Variants in LMBRD2 observed in about 807,000 individuals in gnomAD.
LMBRD2 encodes G protein-coupled receptor-associated protein LMBRD2.
In LMBRD2, 55 loss-of-function variants were observed where a neutral mutation model predicts 94.4. That is an observed-to-expected ratio of 0.58 (90% CI 0.47 to 0.73). The LOEUF (loss-of-function observed/expected upper bound fraction) is 0.73. Ranked by LOEUF, LMBRD2 falls within the 30% of genes least tolerant of loss-of-function variation. The pLI is 0.00. For missense variants in LMBRD2, 640 were observed against 831.9 expected, an observed-to-expected ratio of 0.77 and a Z score of 2.84; for synonymous variants, 246 against 272.4, an observed-to-expected ratio of 0.90 and a Z score of 0.95.
chr5:36,138,973 G>A (rs180722377), intron 4 of LMBRD2, among the ~76,000 whole-genome samples: 362 of 152,300 alleles, frequency 2.4e-3, no homozygotes, highest in African/African-American at 8.1e-3. Flanking sequence ...GGGGACTGGC[G>A]GGGACTGTGC....
Position 36,103,075 on chromosome 5 carries a change from C to T in LMBRD2, c.*971G>A, listed in dbSNP as rs1184948281. 6.6e-6 allele frequency: 1 copy of T among 152,076 alleles called. No homozygotes were observed. Among genetic ancestry groups the T allele is most frequent in the African/African-American group, 2.4e-5 (1 of 41,398 alleles). 9.4% of individuals were successfully genotyped at this position (152,076 alleles called of 1,614,324 possible). On this transcript the variant is annotated 3_prime_UTR_variant, in exon 18 of 18. Coordinates refer to ENST00000296603, the MANE Select transcript of LMBRD2 (RefSeq NM_001007527.2). ...TTCCATTCTAATATAGTTTTGTTTT[C>T]TATAAACCACGATTTAAGTATCAGT... is the stretch of plus-strand genomic sequence containing the variant.
intron 7 of LMBRD2, among the ~76,000 whole-genome samples, 199 bp downstream of exon 7, chr5:36,123,992 G>A (rs1315929991): frequency 6.6e-6 from 1 of 151,706 alleles, no homozygotes; most frequent in Non-Finnish European, 1.5e-5. Context: ...TATTTCAATA[G>A]AAAATACTGC....
At chr5:36,150,130 A>G (rs1744654661) in intron 1 of LMBRD2, among the ~76,000 whole-genome samples, 1 of 152,196 alleles carries the variant, frequency 6.6e-6, no homozygotes, top group African/African-American at 2.4e-5. Context: ...AATTATTCCC[A>G]TATTAGGAAG....
rs77738282 is a variant in LMBRD2 at position 36,141,199 on chromosome 5, C to T, written c.276G>A (p.Gln92=). The part of the protein sequence containing the change: ...LYATANPVPS[Q]HPCFKPWSYI... ...AACTCCATGGCTTGAAACAAGGATG[C>T]TGGCTGTTGAATAAAAAGTTAAAGC... The change falls in exon 4 of 18, where the codon CAG becomes CAA. Residue 92 remains glutamine, a synonymous_variant. Coordinates refer to ENST00000296603, the MANE Select transcript of LMBRD2 (RefSeq NM_001007527.2). 5,881 of 1,592,872 alleles carry T rather than the reference C, an allele frequency of 3.7e-3. 193 individuals are homozygous for T. In the African/African-American group the frequency reaches 0.071, roughly 19 times the overall value.
intron 11 of LMBRD2, 27 bp from the exon 12 acceptor site, chr5:36,115,147 T>C (rs755473871): frequency 3.6e-6 from 5 of 1,404,278 alleles, no homozygotes; most frequent in Admixed American, 1.9e-5. Flanking sequence ...AAAATATGTA[T>C]ATAAAAAGTA....
chr5:36,122,359 A>AGC lies in LMBRD2; in HGVS notation c.1039_1040dup (p.Thr348LeufsTer52). On this transcript the variant is annotated frameshift_variant, in exon 9 of 18. Transcript: ENST00000296603. LOFTEE classifies it high-confidence loss of function. ...GAAAGGTGTGAACAAACTGATGAGT[A>AGC]GCACTAGTTTCATTTTTTGCTACAT... The AGC allele has an allele frequency of 6.2e-7, 1 of 1,612,582 alleles. No homozygotes were observed. The highest frequency in any genetic ancestry group is 8.5e-7 in the Non-Finnish European group (1 of 1,179,058).
chr5:36,130,136 T>C (rs528092987), intron 6 of LMBRD2, among the ~76,000 whole-genome samples: 1 of 152,188 alleles, frequency 6.6e-6, no homozygotes, highest in Admixed American at 6.5e-5. Flanking sequence ...TGTATACATA[T>C]GTAACAAACC....
intron 9 of LMBRD2, among the ~76,000 whole-genome samples, chr5:36,122,046 T>C (rs928092792): frequency 4.6e-5 from 7 of 152,188 alleles, no homozygotes; most frequent in African/African-American, 1.7e-4. Context: ...GATGTATACA[T>C]GTTTTTTAAT....
chr5:36,104,331 T>C (rs1743415285), intron 17 of LMBRD2, among the ~76,000 whole-genome samples: 1 of 151,658 alleles, frequency 6.6e-6, no homozygotes, highest in Admixed American at 6.6e-5. Flanking sequence ...CATGACAGAG[T>C]GAGAGATGTA....
At chr5:36,142,412 T>C (rs898715534) in intron 3 of LMBRD2, 90 bp downstream of exon 3, 15 of 669,860 alleles carry the variant, frequency 2.2e-5, no homozygotes, top group Non-Finnish European at 1.0e-5. Context: ...ATAACTTACA[T>C]AAATATAAAG....
chr5:36,107,476 T>A (rs968774310), intron 16 of LMBRD2, among the ~76,000 whole-genome samples: 1 of 152,222 alleles, frequency 6.6e-6, no homozygotes, highest in East Asian at 1.9e-4. Context: ...GAAATCATAG[T>A]TTTATGCCCA....
chr5:36,108,668 A>C (rs1581040996), intron 15 of LMBRD2, 29 bp from the exon 16 acceptor site: 2 of 1,083,958 alleles, frequency 1.8e-6, no homozygotes, highest in Non-Finnish European at 1.3e-6. Context: ...TAATCATATA[A>C]TAGAACAGAA....
intron 9 of LMBRD2, among the ~76,000 whole-genome samples, chr5:36,121,622 CTG>C (rs1225494948): frequency 6.6e-6 from 1 of 152,088 alleles, no homozygotes; most frequent in Non-Finnish European, 1.5e-5. Context: ...TATGTCAAGA[CTG>C]AAGAAGAGAC....
At chr5:36,120,902 T>G (rs954962851) in intron 9 of LMBRD2, among the ~76,000 whole-genome samples, 3 of 152,184 alleles carry the variant, frequency 2.0e-5, no homozygotes, top group Non-Finnish European at 4.4e-5. Flanking sequence ...TTTTCTAGTC[T>G]TTTCTGCTAG....
At chr5:36,123,977 C>T (rs190467656) in intron 7 of LMBRD2, among the ~76,000 whole-genome samples, 469 of 151,946 alleles carry the variant, frequency 3.1e-3, no homozygotes, top group Middle Eastern at 0.027. Context: ...CAACCTCTAT[C>T]TCCATATTTC....
At chr5:36,132,844 T>G (rs772586582) in intron 6 of LMBRD2, among the ~76,000 whole-genome samples, 6 of 151,932 alleles carry the variant, frequency 3.9e-5, no homozygotes, top group Admixed American at 2.6e-4. Context: ...ATGCTACTGA[T>G]TTTTGAATCA....
chr5:36,143,842 ATAATT>A (rs1021440459), intron 1 of LMBRD2, among the ~76,000 whole-genome samples: 3 of 151,932 alleles, frequency 2.0e-5, no homozygotes, highest in African/African-American at 7.2e-5. Flanking sequence ...TTCATCCTCT[ATAATT>A]TAAGATTTTC....
Position 36,105,181 on chromosome 5 carries a change from G to A in LMBRD2, c.1914C>T (p.Thr638=). 1 of 1,611,512 alleles carries A rather than the reference G, an allele frequency of 6.2e-7. No individual in the cohort carries two copies. The highest frequency in any genetic ancestry group is 8.5e-7 in the Non-Finnish European group (1 of 1,178,506). The part of the protein sequence containing the change: ...VNTNRSAFKY[T]RANNRTERDR... Reference sequence around the variant, plus strand: ...CCCTTTCAGTCCTGTTATTAGCCCTGGTATATTTGAATGCAGCTGCAAAGG... The same window carrying A: ...CCCTTTCAGTCCTGTTATTAGCCCTAGTATATTTGAATGCAGCTGCAAAGG... The change falls in exon 17 of 18, where the codon ACC becomes ACT. Residue 638 remains threonine (T), a synonymous_variant. Coordinates refer to ENST00000296603, the MANE Select transcript of LMBRD2 (RefSeq NM_001007527.2).
chr5:36,146,242 A>ATC (rs1744534567), intron 1 of LMBRD2, among the ~76,000 whole-genome samples: 1 of 152,236 alleles, frequency 6.6e-6, no homozygotes, highest in Admixed American at 6.5e-5. Context: ...TAGTATTAAT[A>ATC]TCTTATAGCT....
Sources: gnomAD v4.1 joint callset for allele counts (sites outside exome capture counted in the v4.1 genomes callset) on GRCh38, gnomAD v4.1.1 for gene constraint, MANE v1.5 for transcripts, NCBI Gene and HGNC (gene_info 2026-07-23, HGNC 2026-07-21) for gene names.